CARD8: variants seen among roughly 807,000 people sequenced by gnomAD.
The protein encoded by CARD8 is caspase recruitment domain-containing protein 8.
In CARD8, 38 loss-of-function variants were observed where a neutral mutation model predicts 53.2. That is an observed-to-expected ratio of 0.71 (90% CI 0.55 to 0.94). The LOEUF (loss-of-function observed/expected upper bound fraction) is 0.94, where lower values mean the gene tolerates loss of function less well. CARD8 is among the 40% of genes least tolerant of loss of function. The pLI is 0.00. For missense variants in CARD8, 561 were observed against 655.5 expected (o/e 0.86, Z 1.57); for synonymous variants, 245 against 244.9 (o/e 1.00, Z 0.00).
At position 48,209,239 on chromosome 19, in the gene CARD8, T is replaced by C. The variant is rs965189378; in HGVS notation, c.*2471A>G. On this transcript the variant is annotated 3_prime_UTR_variant, in exon 14 of 14. Coordinates refer to ENST00000651546, the MANE Select transcript of CARD8 (RefSeq NM_001184900.3). ...TTGAACCAGGAGGCAGAGGTTGCAGTGAGCTGAGATCGCACCACTGCACTC... is the reference window on the plus strand; with the variant it reads ...TTGAACCAGGAGGCAGAGGTTGCAGCGAGCTGAGATCGCACCACTGCACTC... The C allele has an allele frequency of 3.3e-5, 5 of 151,758 alleles. No homozygotes were observed. Among genetic ancestry groups the C allele is most frequent in the Non-Finnish European group, 4.4e-5 (3 of 67,998 alleles). 9.4% of individuals were successfully genotyped at this position (151,758 alleles called of 1,614,324 possible).
chr19:48,222,962 G>A (rs1243559738), intron 10 of CARD8, among the ~76,000 whole-genome samples: 1 of 152,146 alleles, frequency 6.6e-6, no homozygotes, highest in Non-Finnish European at 1.5e-5. Context: ...GCATATGTGA[G>A]TGTGTCAACT....
At chr19:48,241,906 T>G (rs987543109) in intron 3 of CARD8, among the ~76,000 whole-genome samples, 1 of 151,978 alleles carries the variant, frequency 6.6e-6, no homozygotes, top group Non-Finnish European at 1.5e-5. Context: ...TATATAGTAA[T>G]GAAGTTGTAC....
At chr19:48,247,771 TATATATAC>T (rs58386886) in intron 3 of CARD8, among the ~76,000 whole-genome samples, 33,693 of 142,748 alleles carry the variant, frequency 0.24, 4,082 homozygotes, top group African/African-American at 0.33. Flanking sequence ...TATATATATA[TATATATAC>T]ACACACACAC....
At chr19:48,207,358 C>T (rs2037395378), downstream of CARD8, among the ~76,000 whole-genome samples, 1 of 152,040 alleles carries the variant, frequency 6.6e-6, no homozygotes, top group Non-Finnish European at 1.5e-5. Flanking sequence ...TGTGTAACTT[C>T]AGATTAATTT....
chr19:48,254,011 T>C (rs948590560), intron 1 of CARD8, among the ~76,000 whole-genome samples: 1 of 152,202 alleles, frequency 6.6e-6, no homozygotes, highest in Non-Finnish European at 1.5e-5. Context: ...ATAGCATACA[T>C]ATGTAGCCAC....
intron 12 of CARD8, among the ~76,000 whole-genome samples, chr19:48,217,001 C>T (rs760822566): frequency 6.6e-6 from 1 of 152,036 alleles, no homozygotes; most frequent in East Asian, 1.9e-4. Flanking sequence ...GAGACAGTGA[C>T]AGATCATCAG....
chr19:48,242,244 G>C (rs770603886), intron 3 of CARD8, among the ~76,000 whole-genome samples: 6 of 152,120 alleles, frequency 3.9e-5, no homozygotes, highest in Non-Finnish European at 8.8e-5. Context: ...AGACCCCAGA[G>C]ACCTCGCTCC....
intron 10 of CARD8, among the ~76,000 whole-genome samples, chr19:48,222,091 G>A (rs1475877182): frequency 6.6e-6 from 1 of 152,048 alleles, no homozygotes; most frequent in Non-Finnish European, 1.5e-5. Context: ...GATATCTCAG[G>A]GCCAAAGGAT....
At chr19:48,207,734 G>GTTTTTTGTTTTTT (rs2037429240), downstream of CARD8, among the ~76,000 whole-genome samples, 44 of 116,524 alleles carry the variant, frequency 3.8e-4, no homozygotes, top group African/African-American at 1.5e-3. Flanking sequence ...TTGTTTTTCT[G>GTTTTTTGTTTTTT]TTTTTTTTTT....
downstream of CARD8, chr19:48,207,994 C>G (rs989374042): frequency 6.9e-6 from 1 of 145,868 alleles, no homozygotes; most frequent in African/African-American, 2.5e-5. Context: ...CCTCGGCCTC[C>G]CAAAGTGTTG....
intron 11 of CARD8, among the ~76,000 whole-genome samples, chr19:48,219,885 C>T (rs1716887270): frequency 1.3e-5 from 2 of 152,058 alleles, no homozygotes; most frequent in Non-Finnish European, 2.9e-5. Context: ...GCAGGAGAAT[C>T]GCTTGAACCC....
chr19:48,234,201 T>A (rs2043437294), intron 6 of CARD8: 6 of 546,522 alleles, frequency 1.1e-5, no homozygotes, highest in Non-Finnish European at 1.9e-5. Flanking sequence ...TGTGTATAGG[T>A]TCTCTAGACA....
chr19:48,238,521 G>A lies in CARD8; in HGVS notation c.71C>T (p.Ser24Phe), dbSNP rs1032615930. The A allele has an allele frequency of 2.6e-6, 4 of 1,536,294 alleles. No individual in the cohort carries two copies. In the African/African-American group the frequency reaches 5.5e-5, roughly 21 times the overall value. Residue 24 changes from serine to phenylalanine, a missense_variant, in exon 5 of 14, where the codon TCC (serine) becomes TTC (phenylalanine). By Grantham distance (155) the Ser-to-Phe change is radical. Coordinates refer to ENST00000651546, the MANE Select transcript of CARD8 (RefSeq NM_001184900.3). Reference sequence around the variant, plus strand: ...TTTGGATGCATCTATGTTCCTACTGGATCCACTGTCCCTGGGAAAACACAA... The same window carrying A: ...TTTGGATGCATCTATGTTCCTACTGAATCCACTGTCCCTGGGAAAACACAA... ...EEELPRRDSG[S>F]SRNIDASKLI...
At chr19:48,235,394 T>G (rs1656685685) in intron 5 of CARD8, among the ~76,000 whole-genome samples, 1 of 152,178 alleles carries the variant, frequency 6.6e-6, no homozygotes, top group Non-Finnish European at 1.5e-5. Context: ...ATATTTCAAG[T>G]GCTCAAAAGC....
downstream of CARD8, among the ~76,000 whole-genome samples, chr19:48,207,438 C>T (rs1302931065): frequency 6.6e-6 from 1 of 152,030 alleles, no homozygotes; most frequent in Non-Finnish European, 1.5e-5. Context: ...CAGTAGTAGG[C>T]ATTACTGACT....
intron 12 of CARD8, among the ~76,000 whole-genome samples, chr19:48,218,495 C>T (rs2039821417): frequency 6.6e-6 from 1 of 151,914 alleles, no homozygotes; most frequent in Admixed American, 6.6e-5. Context: ...GCCAGGACTA[C>T]AGGCATGTAC....
At chr19:48,226,391 T>C (rs917925458) in intron 10 of CARD8, among the ~76,000 whole-genome samples, 2 of 152,050 alleles carry the variant, frequency 1.3e-5, no homozygotes, top group African/African-American at 4.8e-5. Flanking sequence ...ATCCAGCTAA[T>C]TTTTTGTATT....
intron 5 of CARD8, among the ~76,000 whole-genome samples, chr19:48,236,291 C>T (rs1308329715): frequency 1.3e-5 from 2 of 152,220 alleles, no homozygotes; most frequent in African/African-American, 4.8e-5. Context: ...TGGCTCACTG[C>T]AACCTCTGCC....
downstream of CARD8, among the ~76,000 whole-genome samples, chr19:48,206,834 A>G (rs1336522034): frequency 2.0e-5 from 3 of 152,172 alleles, no homozygotes; most frequent in Non-Finnish European, 2.9e-5. Flanking sequence ...ACTCACAGTC[A>G]GGACCTTCCA....
Sources: gnomAD v4.1 joint callset for allele counts (sites outside exome capture counted in the v4.1 genomes callset) on GRCh38, gnomAD v4.1.1 for gene constraint, MANE v1.5 for transcripts, NCBI Gene and HGNC (gene_info 2026-07-23, HGNC 2026-07-21) for gene names.